The following JAM3 variants were observed in gnomAD, a reference collection of about 807,000 sequenced individuals.
JAM3 encodes junctional adhesion molecule C.
In JAM3, 31 loss-of-function variants were observed where a neutral mutation model predicts 39.4. The ratio of observed to expected loss-of-function variants is 0.79; its 90% confidence interval spans 0.59 to 1.06. JAM3 has a LOEUF of 1.06. JAM3 is among the 50% of genes least tolerant of loss of function. The pLI is 0.00. For missense variants in JAM3, 455 were observed against 391.4 expected, an observed-to-expected ratio of 1.16 and a Z score of -1.37; for synonymous variants, 182 against 148.7, an observed-to-expected ratio of 1.22 and a Z score of -1.63.
chr11:134,120,847 C>T (rs775249306), intron 1 of JAM3, among the ~76,000 whole-genome samples: 8 of 152,220 alleles, frequency 5.3e-5, no homozygotes, highest in African/African-American at 1.4e-4. Context: ...AACATTACCT[C>T]AATATCTGTT....
At chr11:134,078,828 C>T (rs1172528152) in intron 1 of JAM3, among the ~76,000 whole-genome samples, 4 of 152,076 alleles carry the variant, frequency 2.6e-5, no homozygotes, top group African/African-American at 9.7e-5. Context: ...CACCTGAGGT[C>T]GGGAGTTCGA....
rs1427173745 is a variant in JAM3, at chr11:134,103,912, G to A, written c.76+34753G>A. The stretch of plus-strand genomic sequence containing the variant: ...TTAGACTCCCACACAATAATAATGG[G>A]AGACTTTAACACCCCACTGTCAACA... On this transcript the variant is annotated intron_variant, in intron 1 of 8. Coordinates refer to ENST00000299106, the MANE Select transcript of JAM3 (RefSeq NM_032801.5). Among the ~76,000 whole-genome samples, 4 of 152,288 alleles carry A rather than the reference G, an allele frequency of 2.6e-5. No individual in the cohort carries two copies. The East Asian group carries it at 7.7e-4, about 29-fold the overall frequency.
rs1943227314 is a variant in JAM3, at chr11:134,151,338, C to T, written c.*2157C>T. On this transcript the variant is annotated 3_prime_UTR_variant, in exon 9 of 9. Coordinates refer to ENST00000299106, the MANE Select transcript of JAM3 (RefSeq NM_032801.5). Reference sequence around the variant, plus strand: ...GCTGCATGGCATCCTGGATGCTTAGCATGCAAGTTCCCTCCATCATTGCCA... The same window carrying T: ...GCTGCATGGCATCCTGGATGCTTAGTATGCAAGTTCCCTCCATCATTGCCA... 1 of 152,228 alleles carries T rather than the reference C, an allele frequency of 6.6e-6. No homozygotes were observed. Among genetic ancestry groups the T allele is most frequent in the African/African-American group, 2.4e-5 (1 of 41,448 alleles). The allele number at this position is 152,228 out of a possible 1,614,324, so 9.4% of individuals were successfully genotyped here. A position where few individuals can be genotyped will look rare whatever the true frequency, so the allele number is the denominator to read the frequency against.
At chr11:134,088,831 C>T (rs896373418) in intron 1 of JAM3, among the ~76,000 whole-genome samples, 2 of 152,116 alleles carry the variant, frequency 1.3e-5, no homozygotes, top group East Asian at 1.9e-4. Context: ...ACTCTGTCAC[C>T]CCTGCTGGAG....
chr11:134,104,423 C>T (rs1183307656), intron 1 of JAM3, among the ~76,000 whole-genome samples: 5 of 152,080 alleles, frequency 3.3e-5, no homozygotes, highest in Non-Finnish European at 2.9e-5. Context: ...CTAAAATTGA[C>T]GCCCTAACAT....
At chr11:134,100,106 A>G (rs1306305915) in intron 1 of JAM3, among the ~76,000 whole-genome samples, 1 of 152,146 alleles carries the variant, frequency 6.6e-6, no homozygotes, top group Non-Finnish European at 1.5e-5. Flanking sequence ...AAGATGTTAA[A>G]TTCTTCTCAA....
intron 1 of JAM3, among the ~76,000 whole-genome samples, chr11:134,086,698 T>C (rs1248565496): frequency 1.3e-5 from 2 of 152,140 alleles, no homozygotes; most frequent in Non-Finnish European, 1.5e-5. Flanking sequence ...ATGAATGAGT[T>C]CAGGACAAGA....
intron 1 of JAM3, among the ~76,000 whole-genome samples, chr11:134,098,834 A>G (rs547915942): frequency 3.9e-5 from 6 of 152,276 alleles, no homozygotes; most frequent in African/African-American, 1.4e-4. Context: ...GTTTCCCACT[A>G]ACATTCACAC....
At chr11:134,104,620 A>T (rs1295905835) in intron 1 of JAM3, among the ~76,000 whole-genome samples, 3 of 152,172 alleles carry the variant, frequency 2.0e-5, no homozygotes, top group Admixed American at 6.6e-5. Context: ...AGCAAGACTA[A>T]TAAGAAAAGA....
At chr11:134,089,869 CT>C (rs1941813409) in intron 1 of JAM3, among the ~76,000 whole-genome samples, 2 of 152,126 alleles carry the variant, frequency 1.3e-5, no homozygotes, top group African/African-American at 4.8e-5. Context: ...TTCTAGATCC[CT>C]GAGGAATCGC....
At chr11:134,139,246 ACT>A (rs1942929026) in intron 1 of JAM3, among the ~76,000 whole-genome samples, 1 of 152,160 alleles carries the variant, frequency 6.6e-6, no homozygotes, top group African/African-American at 2.4e-5. Flanking sequence ...AATGATATAA[ACT>A]CAGCTTCGTG....
chr11:134,128,808 A>C (rs1270080839), intron 1 of JAM3, among the ~76,000 whole-genome samples: 2 of 152,222 alleles, frequency 1.3e-5, no homozygotes, highest in Non-Finnish European at 2.9e-5. Flanking sequence ...AGTTCTTTAT[A>C]GTGTGAAAAT....
intron 1 of JAM3, among the ~76,000 whole-genome samples, chr11:134,081,922 C>A (rs1299307848): frequency 6.6e-6 from 1 of 152,258 alleles, no homozygotes; most frequent in Non-Finnish European, 1.5e-5. Context: ...TGCCCAAGAC[C>A]ATGGGAACCC....
chr11:134,145,180 G>A, intron 5 of JAM3, 186 bp downstream of exon 5: 5 of 635,172 alleles, frequency 7.9e-6, no homozygotes, highest in Non-Finnish European at 8.4e-6. Context: ...CATTCTTAGG[G>A]GGTAAAATAA....
chr11:134,114,309 G>T (rs1412476752), intron 1 of JAM3, among the ~76,000 whole-genome samples: 2 of 152,114 alleles, frequency 1.3e-5, no homozygotes, highest in African/African-American at 2.4e-5. Context: ...GGGTTTTTAT[G>T]GTTTTAGGTC....
At chr11:134,084,303 A>G (rs1481106116) in intron 1 of JAM3, among the ~76,000 whole-genome samples, 1 of 152,164 alleles carries the variant, frequency 6.6e-6, no homozygotes, top group Non-Finnish European at 1.5e-5. Context: ...CCTCTTCTGA[A>G]TTCCTATCAT....
At chr11:134,101,454 T>A (rs1162940035) in intron 1 of JAM3, among the ~76,000 whole-genome samples, 1 of 152,136 alleles carries the variant, frequency 6.6e-6, no homozygotes, top group African/African-American at 2.4e-5. Context: ...GTTCTTTCCA[T>A]CCTAGTGGAG....
In JAM3 at chr11:134,124,041, C is replaced by G. The variant is rs1942589918; in HGVS notation, c.77-15810C>G. On this transcript the variant is annotated intron_variant, in intron 1 of 8. Transcript: ENST00000299106. Reference sequence around the variant, plus strand: ...TCCCGCAACACAAGGCACTGCAACACAGCCACCTGGCTCTTCACAGAATTT... The same window carrying G: ...TCCCGCAACACAAGGCACTGCAACAGAGCCACCTGGCTCTTCACAGAATTT... 2.1e-6 allele frequency: 3 copies of G among 1,439,448 alleles called. No individual in the cohort carries two copies. The Admixed American group carries it at 5.0e-5, about 24-fold the overall frequency. 89.2% of individuals were successfully genotyped at this position (1,439,448 alleles called of 1,614,324 possible). A position where few individuals can be genotyped will look rare whatever the true frequency, so the allele number is the denominator to read the frequency against.
chr11:134,141,144 G>A (rs1942966672), intron 3 of JAM3, among the ~76,000 whole-genome samples: 1 of 152,094 alleles, frequency 6.6e-6, no homozygotes, highest in Non-Finnish European at 1.5e-5. Context: ...CAAGGGCACA[G>A]CACAAATGGA....
Sources: allele counts gnomAD v4.1 joint callset (sites outside exome capture counted in the v4.1 genomes callset), GRCh38; gene constraint gnomAD v4.1.1; transcripts MANE v1.5; gene names NCBI Gene and HGNC (gene_info 2026-07-23, HGNC 2026-07-21).